Variants in NME7 observed in about 807,000 individuals in gnomAD.
NME7 encodes nucleoside diphosphate kinase 7.
NME7 carries 41 observed loss-of-function variants against 49.1 expected under a neutral mutation model. The ratio of observed to expected loss-of-function variants is 0.83; its 90% confidence interval spans 0.65 to 1.08. The LOEUF (loss-of-function observed/expected upper bound fraction) is 1.08. Ranked by LOEUF, NME7 falls within the 50% of genes least tolerant of loss-of-function variation. The probability of loss-of-function intolerance (pLI) is 0.00; values close to 1 mark genes in which losing one functional copy is unlikely to be tolerated. For synonymous variants in NME7, 139 were observed against 150.6 expected (o/e 0.92, Z 0.56); for missense variants, 423 against 463.4 (o/e 0.91, Z 0.80).
chr1:169,195,822 C>T (rs1557983174), intron 10 of NME7, among the ~76,000 whole-genome samples: 1 of 152,168 alleles, frequency 6.6e-6, no homozygotes, highest in Non-Finnish European at 1.5e-5. Flanking sequence ...AAAATCCTTT[C>T]CTTCCAAGAG....
intron 7 of NME7, among the ~76,000 whole-genome samples, chr1:169,268,675 A>G (rs1649394265): frequency 7.5e-6 from 1 of 133,706 alleles, no homozygotes; most frequent in African/African-American, 2.5e-5. Context: ...ATCCTTAGCA[A>G]ACTAATGAAG....
intron 1 of NME7, among the ~76,000 whole-genome samples, chr1:169,353,777 G>A (rs1448188565): frequency 3.3e-5 from 5 of 152,054 alleles, no homozygotes; most frequent in Non-Finnish European, 7.4e-5. Flanking sequence ...AAGACAACCA[G>A]TGGCAAACAG....
intron 7 of NME7, among the ~76,000 whole-genome samples, chr1:169,247,949 C>A (rs541190225): frequency 1.3e-5 from 2 of 152,064 alleles, no homozygotes; most frequent in Non-Finnish European, 2.9e-5. Flanking sequence ...TAAACATATG[C>A]GTGCAAGTGT....
intron 7 of NME7, among the ~76,000 whole-genome samples, chr1:169,265,240 A>G (rs1571338973): frequency 7.5e-6 from 1 of 133,364 alleles, no homozygotes. Flanking sequence ...ATCAGACATA[A>G]GACAACCCTC....
At chr1:169,136,363 CATAAT>C (rs1264557382) in intron 11 of NME7, among the ~76,000 whole-genome samples, 1 of 152,140 alleles carries the variant, frequency 6.6e-6, no homozygotes, top group Non-Finnish European at 1.5e-5. Context: ...GAAAATGAAA[CATAAT>C]AGATGGAGAA....
At chr1:169,231,411 A>G (rs570069228) in intron 9 of NME7, among the ~76,000 whole-genome samples, 1 of 152,206 alleles carries the variant, frequency 6.6e-6, no homozygotes, top group Non-Finnish European at 1.5e-5. Context: ...GACCAGGTAG[A>G]GGAAACACAA....
chr1:169,154,725 GA>G (rs1253302820), intron 11 of NME7, among the ~76,000 whole-genome samples: 1 of 151,646 alleles, frequency 6.6e-6, no homozygotes, highest in Non-Finnish European at 1.5e-5. Flanking sequence ...TTGAACCCGG[GA>G]AGTGGAGGTT....
chr1:169,221,796 C>A (rs906124230), intron 10 of NME7, among the ~76,000 whole-genome samples: 1 of 151,978 alleles, frequency 6.6e-6, no homozygotes, highest in African/African-American at 2.4e-5. Context: ...GCGATCATGG[C>A]TCACTGCAGC....
At chr1:169,157,087 C>T (rs1405744326) in intron 11 of NME7, among the ~76,000 whole-genome samples, 1 of 152,080 alleles carries the variant, frequency 6.6e-6, no homozygotes, top group Non-Finnish European at 1.5e-5. Context: ...TTTTGGGATG[C>T]TGCAGTGGAC....
At chr1:169,160,683 A>G (rs1256415380) in intron 11 of NME7, among the ~76,000 whole-genome samples, 2 of 151,990 alleles carry the variant, frequency 1.3e-5, no homozygotes, top group African/African-American at 4.9e-5. Context: ...ACAACTTGAT[A>G]TAAGACAGGT....
chr1:169,237,000 G>T (rs181778147), intron 8 of NME7, among the ~76,000 whole-genome samples: 1 of 152,020 alleles, frequency 6.6e-6, no homozygotes, highest in African/African-American at 2.4e-5. Context: ...CAAATGTACC[G>T]ATGAGTACAG....
chr1:169,338,114 T>A (rs1016393367), intron 1 of NME7, among the ~76,000 whole-genome samples: 3 of 152,240 alleles, frequency 2.0e-5, no homozygotes, highest in Non-Finnish European at 2.9e-5. Flanking sequence ...GTTAGGTGAA[T>A]CATTAAATTT....
At chr1:169,196,710 C>A (rs138924382) in intron 10 of NME7, among the ~76,000 whole-genome samples, 1 of 152,148 alleles carries the variant, frequency 6.6e-6, no homozygotes, top group Non-Finnish European at 1.5e-5. Context: ...TGTAATACTG[C>A]AGAGGCTGGT....
intron 6 of NME7, among the ~76,000 whole-genome samples, chr1:169,288,443 T>G (rs796505159): frequency 5.9e-5 from 9 of 152,234 alleles, no homozygotes; most frequent in African/African-American, 2.2e-4. Context: ...AGATGTGAGT[T>G]TCACCTCTTG....
intron 11 of NME7, among the ~76,000 whole-genome samples, chr1:169,161,912 T>C (rs1659257654): frequency 1.3e-5 from 2 of 152,146 alleles, no homozygotes; most frequent in Admixed American, 1.3e-4. Flanking sequence ...CCCCAATTGA[T>C]CCCATAGGTA....
At chr1:169,328,884 A>T (rs772938698) in intron 1 of NME7, among the ~76,000 whole-genome samples, 12 of 152,218 alleles carry the variant, frequency 7.9e-5, no homozygotes, top group Non-Finnish European at 1.8e-4. Flanking sequence ...AATACCCAAG[A>T]CTTTTCAAAT....
chr1:169,302,150 G>C (rs1163455240), intron 5 of NME7: 2 of 152,052 alleles, frequency 1.3e-5, no homozygotes, highest in Non-Finnish European at 2.9e-5. Flanking sequence ...ATACACTGTT[G>C]ATGGAAATGC....
At chr1:169,197,368 T>C (rs892071316) in intron 10 of NME7, among the ~76,000 whole-genome samples, 1 of 152,006 alleles carries the variant, frequency 6.6e-6, no homozygotes, top group South Asian at 2.1e-4. Context: ...GTTAGCTCTA[T>C]AATCATGACT....
intron 10 of NME7, among the ~76,000 whole-genome samples, chr1:169,219,739 G>C (rs184055250): frequency 6.6e-5 from 10 of 152,204 alleles, no homozygotes; most frequent in Admixed American, 5.2e-4. Flanking sequence ...GATTCTCCCA[G>C]TATACTGAGA....
Sources: allele counts gnomAD v4.1 joint callset (sites outside exome capture counted in the v4.1 genomes callset), GRCh38; gene constraint gnomAD v4.1.1; transcripts MANE v1.5; gene names NCBI Gene and HGNC (gene_info 2026-07-23, HGNC 2026-07-21).